Variants in OSBPL11 observed in about 807,000 individuals in gnomAD.
OSBPL11 encodes the protein oxysterol binding protein like 11.
In OSBPL11, 33 loss-of-function variants were observed where a neutral mutation model predicts 84.4. The ratio of observed to expected loss-of-function variants is 0.39; its 90% confidence interval spans 0.30 to 0.52. The LOEUF is 0.52. Among genes scored for constraint, OSBPL11 ranks in the 20% least tolerant of loss-of-function variants. The probability of loss-of-function intolerance (pLI) is 0.72; values close to 1 mark genes in which losing one functional copy is unlikely to be tolerated. For synonymous variants in OSBPL11, 276 were observed against 310.2 expected (o/e 0.89, Z 1.16); for missense variants, 736 against 901.1 (o/e 0.82, Z 2.35).
chr3:125,580,603 A>G (rs1936410125), intron 2 of OSBPL11, among the ~76,000 whole-genome samples: 1 of 151,712 alleles, frequency 6.6e-6, no homozygotes, highest in South Asian at 2.1e-4. Context: ...ATTTATTAAG[A>G]GGCCTATCAG....
intron 4 of OSBPL11, among the ~76,000 whole-genome samples, chr3:125,577,361 T>G (rs1299172822): frequency 2.6e-5 from 4 of 152,072 alleles, no homozygotes; most frequent in African/African-American, 9.7e-5. Flanking sequence ...TTAAAAACAC[T>G]CCAAAGAAGA....
At chr3:125,533,573 C>G (rs1580028981) in intron 11 of OSBPL11, among the ~76,000 whole-genome samples, 1 of 152,084 alleles carries the variant, frequency 6.6e-6, no homozygotes, top group East Asian at 1.9e-4. Flanking sequence ...TTTCCTAACA[C>G]ATTTCTGAAA....
At chr3:125,570,704 C>G (rs1287334072) in intron 5 of OSBPL11, among the ~76,000 whole-genome samples, 1 of 152,174 alleles carries the variant, frequency 6.6e-6, no homozygotes. Flanking sequence ...CACAAGTTCT[C>G]TCTCTTTGCC....
At chr3:125,532,577 C>CA (rs371653670) in intron 11 of OSBPL11, among the ~76,000 whole-genome samples, 2,923 of 53,450 alleles carry the variant, frequency 0.055, 79 homozygotes, top group African/African-American at 0.12. Flanking sequence ...AAATCTCAAG[C>CA]AAAAAAAAAA....
intron 10 of OSBPL11, among the ~76,000 whole-genome samples, chr3:125,545,694 T>C (rs770464914): frequency 3.3e-5 from 5 of 152,002 alleles, no homozygotes; most frequent in Non-Finnish European, 7.4e-5. Flanking sequence ...ACACTATATA[T>C]ATAGGCATCC....
chr3:125,552,405 G>A lies in OSBPL11; in HGVS notation c.1430C>T (p.Ser477Phe). 1 of 1,614,132 alleles carries A rather than the reference G, an allele frequency of 6.2e-7. No individual in the cohort carries two copies. Among genetic ancestry groups the A allele is most frequent in the Non-Finnish European group, 8.5e-7 (1 of 1,180,030 alleles). Residue 477 changes from serine (S) to phenylalanine (F), a missense_variant, in exon 9 of 13, where the codon TCC (serine) becomes TTC (phenylalanine). By Grantham distance (155) the Ser-to-Phe change is radical. Coordinates refer to ENST00000296220, the MANE Select transcript of OSBPL11 (RefSeq NM_022776.5). Reference sequence around the variant, plus strand: ...AGCATGATTTGTGACTCCCTGGGTGGAAGAACTGCTAAAAACACTGGATGC... The same window carrying A: ...AGCATGATTTGTGACTCCCTGGGTGAAAGAACTGCTAAAAACACTGGATGC... ...EVASSVFSSS[S>F]TQGVTNHAPL...
intron 5 of OSBPL11, among the ~76,000 whole-genome samples, chr3:125,575,471 C>T (rs1323495577): frequency 6.6e-6 from 1 of 151,596 alleles, no homozygotes; most frequent in Admixed American, 6.6e-5. Context: ...GGCGATCCTC[C>T]TGTCTCAGCC....
At chr3:125,552,013 C>A (rs1405983799) in intron 9 of OSBPL11, among the ~76,000 whole-genome samples, 168 bp downstream of exon 9, 1 of 151,636 alleles carries the variant, frequency 6.6e-6, no homozygotes, top group Non-Finnish European at 1.5e-5. Context: ...ATAAAACAGG[C>A]ACTTGACCTT....
chr3:125,536,309 A>G (rs192915239), intron 11 of OSBPL11, among the ~76,000 whole-genome samples: 59 of 152,334 alleles, frequency 3.9e-4, no homozygotes, highest in African/African-American at 1.4e-3. Flanking sequence ...ATTTTTTCAA[A>G]TAACTTATAT....
chr3:125,575,140 C>T (rs1435965519), intron 5 of OSBPL11, among the ~76,000 whole-genome samples: 24 of 152,172 alleles, frequency 1.6e-4, no homozygotes, highest in South Asian at 2.1e-4. Context: ...AATACAGAAA[C>T]GGATATGAGA....
At chr3:125,585,118 C>G (rs934131156) in intron 1 of OSBPL11, among the ~76,000 whole-genome samples, 11 of 151,858 alleles carry the variant, frequency 7.2e-5, no homozygotes, top group Non-Finnish European at 1.5e-4. Context: ...TAAAAAGATC[C>G]CACGTGTATC....
At chr3:125,589,574 G>A (rs1259214460) in intron 1 of OSBPL11, among the ~76,000 whole-genome samples, 1 of 149,256 alleles carries the variant, frequency 6.7e-6, no homozygotes, top group Non-Finnish European at 1.5e-5. Flanking sequence ...ACAAAAACTA[G>A]AGTGTAGAAA....
chr3:125,542,331 TCTTTC>T (rs144709264), intron 10 of OSBPL11, among the ~76,000 whole-genome samples: 32,093 of 149,482 alleles, frequency 0.21, 3,360 homozygotes, highest in African/African-American at 0.25. Context: ...CTTTTTCTTT[TCTTTC>T]TTTTTTTTTT....
rs754814930 is a variant in OSBPL11 at position 125,547,452 on chromosome 3, T to C, written c.1795A>G (p.Ser599Gly). 2.7e-5 allele frequency: 43 copies of C among 1,614,038 alleles called. No individual in the cohort carries two copies. Among genetic ancestry groups the C allele is most frequent in the Non-Finnish European group, 3.6e-5 (43 of 1,180,036 alleles). ...AATGGCTTGGTATGAAAAGTGATGC[T>C]GGCTGAATATCCAGTTTTTGCACAG... is the stretch of plus-strand genomic sequence containing the variant. ...VNCAKTGYSA[S>G]ITFHTKPFYG... The change falls in exon 10 of 13, where the codon AGC (serine) becomes GGC (glycine). Residue 599 changes from serine (S) to glycine (G), a missense_variant. Physicochemically the swap from Ser to Gly is moderately conservative, Grantham distance 56. Coordinates refer to ENST00000296220, the MANE Select transcript of OSBPL11 (RefSeq NM_022776.5).
At chr3:125,592,903 T>G (rs1363569072) in intron 1 of OSBPL11, among the ~76,000 whole-genome samples, 1 of 151,780 alleles carries the variant, frequency 6.6e-6, no homozygotes, top group African/African-American at 2.4e-5. Context: ...AAAACAAAAC[T>G]CCTAGACAAA....
chr3:125,571,925 G>A (rs1468305922), intron 5 of OSBPL11, among the ~76,000 whole-genome samples: 1 of 152,212 alleles, frequency 6.6e-6, no homozygotes, highest in Non-Finnish European at 1.5e-5. Context: ...GAGGGCCGCT[G>A]TCCTCCAAAA....
Position 125,550,425 on chromosome 3 carries a change from A to AGAGAGAG in OSBPL11, c.1654+1755_1654+1756insCTCTCTC, listed in dbSNP as rs373970630. 1.4e-4 allele frequency among the ~76,000 whole-genome samples: 21 copies of AGAGAGAG among 149,616 alleles called. 1 individual carries two copies. Among genetic ancestry groups the AGAGAGAG allele is most frequent in the Admixed American group, 2.0e-4 (3 of 15,030 alleles). On this transcript the variant is annotated intron_variant, in intron 9 of 12. Transcript: ENST00000296220. ...CACACACAACAAACAAAAAAAAAAAAAGAGAGTACTTTCTAATGTTATAAA... is the reference window on the plus strand; with the variant it reads ...CACACACAACAAACAAAAAAAAAAAAGAGAGAGAGAGAGTACTTTCTAATGTTATAAA...
chr3:125,586,988 ATAAC>A (rs1374530856), intron 1 of OSBPL11, among the ~76,000 whole-genome samples: 2 of 152,238 alleles, frequency 1.3e-5, no homozygotes, highest in South Asian at 2.1e-4. Context: ...CAAAAAGGCA[ATAAC>A]TAATAACTCT....
Position 125,552,223 on chromosome 3 carries a change from T to C in OSBPL11, c.1612A>G (p.Lys538Glu). The stretch of plus-strand genomic sequence containing the variant: ...ACGCCTATTGACATGCCTAAGAACT[T>C]GCTCTTAGTCCAGACATGCGCATTT... ...CVNAHVWTKS[K>E]FLGMSIGVTM... Residue 538 changes from lysine to glutamate, a missense_variant, in exon 9 of 13, where the codon AAG (lysine) becomes GAG (glutamate). Around this residue, in one of 3 missense-constraint regions of OSBPL11, gnomAD observed 579 missense variants for 717.6 expected, o/e 0.81. Coordinates refer to ENST00000296220, the MANE Select transcript of OSBPL11 (RefSeq NM_022776.5). 1 of 1,613,166 alleles carries C rather than the reference T, an allele frequency of 6.2e-7. No individual in the cohort carries two copies.
Sources: allele counts gnomAD v4.1 joint callset (sites outside exome capture counted in the v4.1 genomes callset), GRCh38; gene constraint gnomAD v4.1.1; regional missense constraint gnomAD v4.1.1; transcripts MANE v1.5; gene names NCBI Gene and HGNC (gene_info 2026-07-23, HGNC 2026-07-21).